The following PID1 variants were observed in gnomAD, a reference collection of about 807,000 sequenced individuals.
PID1 encodes PTB-containing, cubilin and LRP1-interacting protein.
A neutral mutation model predicts 19.1 loss-of-function variants in PID1; 10 were observed. The ratio of observed to expected loss-of-function variants is 0.52; its 90% CI spans 0.32 to 0.89. The LOEUF is 0.89. PID1 is among the 40% of genes least tolerant of loss of function. PID1 has a pLI of 0.03. For missense variants in PID1, 248 were observed against 285.3 expected (o/e 0.87, Z 0.94); for synonymous variants, 130 against 116.0 (o/e 1.12, Z -0.78).
At chr2:229,169,882 G>C (rs1173297305) in intron 1 of PID1, among the ~76,000 whole-genome samples, 1 of 152,158 alleles carries the variant, frequency 6.6e-6, no homozygotes, top group African/African-American at 2.4e-5. Context: ...TTTCACAGAT[G>C]AAGAAACTAA....
At chr2:229,112,610 C>T (rs954087084) in intron 2 of PID1, among the ~76,000 whole-genome samples, 5 of 152,090 alleles carry the variant, frequency 3.3e-5, no homozygotes, top group Admixed American at 6.6e-5. Flanking sequence ...CTCAGCCTCC[C>T]GAGTAGCTGA....
intron 2 of PID1, among the ~76,000 whole-genome samples, chr2:229,046,518 C>A (rs955288503): frequency 2.0e-5 from 3 of 151,878 alleles, no homozygotes; most frequent in Admixed American, 6.6e-5. Flanking sequence ...TTGGCTAGAT[C>A]TTACGGTGAA....
intron 2 of PID1, among the ~76,000 whole-genome samples, chr2:229,072,772 C>A (rs945948374): frequency 2.0e-5 from 3 of 152,244 alleles, no homozygotes; most frequent in African/African-American, 7.2e-5. Context: ...TTGATGTAGG[C>A]TTTATGTGCC....
At chr2:229,167,144 T>A (rs1397660008) in intron 1 of PID1, among the ~76,000 whole-genome samples, 2 of 152,066 alleles carry the variant, frequency 1.3e-5, no homozygotes, top group Admixed American at 6.5e-5. Flanking sequence ...GAAGAAATTA[T>A]CAAAATCTAA....
chr2:229,269,570 T>C (rs1690680742), intron 1 of PID1, among the ~76,000 whole-genome samples: 2 of 152,244 alleles, frequency 1.3e-5, no homozygotes, highest in South Asian at 4.1e-4. Context: ...ACAGGAAACC[T>C]GCCAGCTCCC....
At chr2:229,259,897 C>T (rs1690411287) in intron 1 of PID1, among the ~76,000 whole-genome samples, 1 of 152,060 alleles carries the variant, frequency 6.6e-6, no homozygotes, top group Admixed American at 6.6e-5. Flanking sequence ...CGTGAAGGCA[C>T]CATTTCTATG....
chr2:229,051,332 T>A (rs1693991373), intron 2 of PID1, among the ~76,000 whole-genome samples: 1 of 152,136 alleles, frequency 6.6e-6, no homozygotes, highest in Non-Finnish European at 1.5e-5. Context: ...ATGTGAATTA[T>A]GGTCTTTTCT....
intron 1 of PID1, among the ~76,000 whole-genome samples, chr2:229,269,476 C>G (rs550070339): frequency 6.6e-6 from 1 of 152,334 alleles, no homozygotes; most frequent in South Asian, 2.1e-4. Context: ...TTCAGAGGTA[C>G]AGATCATCAG....
intron 2 of PID1, among the ~76,000 whole-genome samples, chr2:229,046,999 T>C (rs1381142935): frequency 3.3e-5 from 5 of 152,116 alleles, no homozygotes; most frequent in Non-Finnish European, 7.4e-5. Context: ...AGCTGCAAAA[T>C]AGCTCCCAAT....
chr2:229,035,598 T>G (rs1019319335), intron 2 of PID1, among the ~76,000 whole-genome samples: 11 of 151,930 alleles, frequency 7.2e-5, no homozygotes, highest in African/African-American at 2.7e-4. Context: ...CCAAAAGATC[T>G]GAGAACACTT....
intron 2 of PID1, among the ~76,000 whole-genome samples, chr2:229,123,599 G>A (rs1009558939): frequency 3.9e-5 from 6 of 152,126 alleles, no homozygotes; most frequent in African/African-American, 1.4e-4. Flanking sequence ...GAATTACCAC[G>A]GTGTTTTCCA....
chr2:229,091,150 T>G (rs1042186934), intron 2 of PID1, among the ~76,000 whole-genome samples: 5 of 152,132 alleles, frequency 3.3e-5, no homozygotes, highest in Admixed American at 3.3e-4. Context: ...AAAATTTGCA[T>G]AATACTATTA....
At chr2:229,205,302 T>C (rs528429988) in intron 1 of PID1, among the ~76,000 whole-genome samples, 6 of 151,890 alleles carry the variant, frequency 4.0e-5, no homozygotes, top group Non-Finnish European at 8.8e-5. Flanking sequence ...TTTACAGCTA[T>C]CTACCTGTGT....
chr2:229,173,642 T>C (rs1690754717), intron 1 of PID1, among the ~76,000 whole-genome samples: 1 of 151,784 alleles, frequency 6.6e-6, no homozygotes, highest in Non-Finnish European at 1.5e-5. Flanking sequence ...AAAATAAGAG[T>C]TTCCTGTTTC....
intron 2 of PID1, among the ~76,000 whole-genome samples, chr2:229,102,774 G>A (rs551114379): frequency 1.2e-4 from 19 of 152,288 alleles, no homozygotes; most frequent in African/African-American, 4.6e-4. Context: ...TGCCCAGAGT[G>A]GGCAGAGCCA....
At chr2:229,243,389 G>A (rs986648606) in intron 1 of PID1, among the ~76,000 whole-genome samples, 1 of 152,048 alleles carries the variant, frequency 6.6e-6, no homozygotes, top group Non-Finnish European at 1.5e-5. Flanking sequence ...CGTCTTCTTT[G>A]TGAAGGGTTC....
chr2:229,222,116 T>C (rs1166725411), intron 1 of PID1, among the ~76,000 whole-genome samples: 1 of 152,232 alleles, frequency 6.6e-6, no homozygotes, highest in Non-Finnish European at 1.5e-5. Flanking sequence ...CCAATGTCTA[T>C]AAGAACAAAG....
At chr2:229,042,492 C>T (rs1324497843) in intron 2 of PID1, among the ~76,000 whole-genome samples, 1 of 152,176 alleles carries the variant, frequency 6.6e-6, no homozygotes, top group East Asian at 1.9e-4. Flanking sequence ...TCCACCCTCT[C>T]ATGCTGGCTG....
intron 2 of PID1, among the ~76,000 whole-genome samples, chr2:229,108,477 A>G (rs1695223209): frequency 6.6e-6 from 1 of 152,248 alleles, no homozygotes; most frequent in Non-Finnish European, 1.5e-5. Flanking sequence ...GGCAAGAGAT[A>G]TTCTACAGGG....
Sources: allele counts gnomAD v4.1 joint callset (sites outside exome capture counted in the v4.1 genomes callset), GRCh38; gene constraint gnomAD v4.1.1; transcripts MANE v1.5; gene names NCBI Gene and HGNC (gene_info 2026-07-23, HGNC 2026-07-21).